MCU: variants seen among roughly 807,000 people sequenced by gnomAD.
MCU encodes calcium uniporter protein, mitochondrial.
Under a neutral mutation model 45.2 loss-of-function variants are expected in MCU, and 12 were observed. That is an observed-to-expected ratio of 0.27 (90% CI 0.17 to 0.43). MCU has a LOEUF of 0.43. Among genes scored for constraint, MCU ranks in the 20% least tolerant of loss-of-function variants. The probability of loss-of-function intolerance (pLI) is 1.00; values close to 1 mark genes in which losing one functional copy is unlikely to be tolerated. For missense variants in MCU, 324 were observed against 436.7 expected, an observed-to-expected ratio of 0.74 and a Z score of 2.30; for synonymous variants, 160 against 165.1, an observed-to-expected ratio of 0.97 and a Z score of 0.24.
intron 1 of MCU, among the ~76,000 whole-genome samples, chr10:72,765,430 A>G (rs115723906): frequency 3.3e-5 from 5 of 152,086 alleles, no homozygotes; most frequent in Non-Finnish European, 7.4e-5. Flanking sequence ...TTATATTTCA[A>G]AGATTATTAT....
chr10:72,778,862 A>G (rs1843942002), intron 1 of MCU, among the ~76,000 whole-genome samples: 1 of 152,200 alleles, frequency 6.6e-6, no homozygotes. Flanking sequence ...CGAAAAAAAA[A>G]ATTTCAGTGG....
At chr10:72,713,054 A>G (rs1351727294) in intron 1 of MCU, among the ~76,000 whole-genome samples, 1 of 152,258 alleles carries the variant, frequency 6.6e-6, no homozygotes, top group Admixed American at 6.5e-5. Flanking sequence ...AAGTCTGGCC[A>G]GATATGCTAT....
intron 1 of MCU, among the ~76,000 whole-genome samples, chr10:72,804,043 T>C (rs1225638416): frequency 1.4e-5 from 1 of 73,354 alleles, no homozygotes. Context: ...TATATATATA[T>C]ATATATATAT....
chr10:72,761,691 G>C (rs1024336550), intron 1 of MCU, among the ~76,000 whole-genome samples: 1 of 152,068 alleles, frequency 6.6e-6, no homozygotes, highest in African/African-American at 2.4e-5. Flanking sequence ...TTGGGCTACA[G>C]GTGGTTTGGT....
chr10:72,735,870 T>G (rs548170831), intron 1 of MCU, among the ~76,000 whole-genome samples: 1 of 152,334 alleles, frequency 6.6e-6, no homozygotes, highest in East Asian at 1.9e-4. Flanking sequence ...TCATAGAACA[T>G]TGCAGAATAC....
intron 1 of MCU, among the ~76,000 whole-genome samples, chr10:72,820,499 C>T (rs1249815725): frequency 2.0e-5 from 3 of 151,308 alleles, no homozygotes; most frequent in Non-Finnish European, 2.9e-5. Context: ...ACTTCTTCAT[C>T]AGTTTGATTA....
At chr10:72,742,601 C>G (rs779127078) in intron 1 of MCU, among the ~76,000 whole-genome samples, 1 of 152,080 alleles carries the variant, frequency 6.6e-6, no homozygotes, top group African/African-American at 2.4e-5. Flanking sequence ...TGTGAGAATC[C>G]TATCAGTAGG....
chr10:72,773,520 C>G (rs1267405775), intron 1 of MCU, among the ~76,000 whole-genome samples: 1 of 152,096 alleles, frequency 6.6e-6, no homozygotes, highest in Non-Finnish European at 1.5e-5. Flanking sequence ...TTAAGACTTA[C>G]TGGTGTTCAA....
At chr10:72,795,186 A>G (rs1844224945) in intron 1 of MCU, among the ~76,000 whole-genome samples, 1 of 152,116 alleles carries the variant, frequency 6.6e-6, no homozygotes, top group East Asian at 1.9e-4. Context: ...CCACATTACC[A>G]TAGGTGACTA....
chr10:72,871,565 T>C lies in MCU; in HGVS notation c.846T>C (p.Phe282=), dbSNP rs1489163450. 4 of 1,613,784 alleles carry C rather than the reference T, an allele frequency of 2.5e-6. No individual in the cohort carries two copies. Among genetic ancestry groups the C allele is most frequent in the Non-Finnish European group, 3.4e-6 (4 of 1,179,588 alleles). Residue 282 remains phenylalanine, a synonymous_variant, in exon 6 of 8, where the codon TTT becomes TTC. Transcript: ENST00000373053. ...GTGCCATGGCAATGTATGCATATTT[T>C]GTAATGACACGCCAGGTAAGAATTC... ...YGSAMAMYAY[F]VMTRQEYVYP... is the part of the protein sequence containing the mutation.
intron 1 of MCU, among the ~76,000 whole-genome samples, chr10:72,767,970 T>G (rs1474670201): frequency 6.6e-6 from 1 of 152,116 alleles, no homozygotes; most frequent in Non-Finnish European, 1.5e-5. Flanking sequence ...CAGATCAACT[T>G]GGAAAAACAA....
At chr10:72,820,355 A>G (rs961612778) in intron 1 of MCU, among the ~76,000 whole-genome samples, 3 of 152,126 alleles carry the variant, frequency 2.0e-5, no homozygotes, top group South Asian at 2.1e-4. Flanking sequence ...TTGGAAGGAA[A>G]TAGATAGTTT....
chr10:72,810,461 CTTTTTTTTTT>C (rs751918414), intron 1 of MCU, among the ~76,000 whole-genome samples: 2 of 73,408 alleles, frequency 2.7e-5, no homozygotes, highest in East Asian at 3.1e-4. Context: ...ATTATGTTGC[CTTTTTTTTTT>C]TTTTTTTTTT....
At chr10:72,861,981 C>CTTTTTTTTTTTTT in intron 4 of MCU, among the ~76,000 whole-genome samples, 1 of 131,872 alleles carries the variant, frequency 7.6e-6, no homozygotes, top group Non-Finnish European at 1.6e-5. Context: ...TGAGTTGTGT[C>CTTTTTTTTTTTTT]TTTTTTTTTT....
chr10:72,841,835 A>G (rs1468111925), intron 2 of MCU, among the ~76,000 whole-genome samples: 1 of 152,238 alleles, frequency 6.6e-6, no homozygotes, highest in Non-Finnish European at 1.5e-5. Context: ...TTATCAAACA[A>G]AAGGATAAAA....
intron 1 of MCU, among the ~76,000 whole-genome samples, chr10:72,759,609 C>CT (rs1191853579): frequency 1.3e-5 from 2 of 152,120 alleles, no homozygotes; most frequent in South Asian, 2.1e-4. Context: ...AATAAAAACT[C>CT]TCAGTACAAA....
intron 1 of MCU, among the ~76,000 whole-genome samples, chr10:72,824,319 C>T (rs1285263303): frequency 6.6e-6 from 1 of 151,446 alleles, no homozygotes; most frequent in East Asian, 1.9e-4. Flanking sequence ...GCCTCAGCCT[C>T]CCGAGTAGCT....
intron 1 of MCU, among the ~76,000 whole-genome samples, chr10:72,809,923 A>G (rs1844511920): frequency 6.6e-6 from 1 of 152,180 alleles, no homozygotes; most frequent in Non-Finnish European, 1.5e-5. Context: ...GCAGTATCAA[A>G]TGTTTCCAAG....
intron 1 of MCU, among the ~76,000 whole-genome samples, chr10:72,764,257 G>A (rs544817023): frequency 6.6e-6 from 1 of 152,270 alleles, no homozygotes; most frequent in South Asian, 2.1e-4. Flanking sequence ...GCCAGTTTCT[G>A]GCTTTCCAAA....
Sources: allele counts gnomAD v4.1 joint callset (sites outside exome capture counted in the v4.1 genomes callset), GRCh38; gene constraint gnomAD v4.1.1; transcripts MANE v1.5; gene names NCBI Gene and HGNC (gene_info 2026-07-23, HGNC 2026-07-21).